Variants in TPX2 observed in about 807,000 individuals in gnomAD.
The protein encoded by TPX2 is targeting protein for Xklp2.
In TPX2, 21 loss-of-function variants were observed where a neutral mutation model predicts 93.6. The observed-to-expected ratio is 0.22, with a 90% CI of 0.16 to 0.32. The LOEUF is 0.32. Among genes scored for constraint, TPX2 ranks in the 10% least tolerant of loss-of-function variants. The probability of loss-of-function intolerance (pLI) is 1.00; values close to 1 mark genes in which losing one functional copy is unlikely to be tolerated. For missense variants in TPX2, 776 were observed against 871.1 expected, an observed-to-expected ratio of 0.89 and a Z score of 1.37; for synonymous variants, 281 against 298.3, an observed-to-expected ratio of 0.94 and a Z score of 0.60.
intron 7 of TPX2, among the ~76,000 whole-genome samples, chr20:31,772,405 C>A (rs1446943237): frequency 6.6e-6 from 1 of 152,090 alleles, no homozygotes; most frequent in Admixed American, 6.6e-5. Context: ...TCAAGCAGTC[C>A]TCTTGCCTTG....
chr20:31,799,365 A>C (rs1287088475), intron 17 of TPX2, among the ~76,000 whole-genome samples: 1 of 152,236 alleles, frequency 6.6e-6, no homozygotes, highest in Non-Finnish European at 1.5e-5. Flanking sequence ...ATTTCAAGAG[A>C]TCTATCATAT....
intron 4 of TPX2, among the ~76,000 whole-genome samples, chr20:31,763,748 G>T (rs2061906118): frequency 7.1e-6 from 1 of 140,154 alleles, no homozygotes; most frequent in Admixed American, 7.4e-5. Flanking sequence ...GGCTGGACGT[G>T]ATACCTCATG....
At chr20:31,760,514 A>C (rs977024031) in intron 4 of TPX2, among the ~76,000 whole-genome samples, 1 of 152,042 alleles carries the variant, frequency 6.6e-6, no homozygotes, top group Non-Finnish European at 1.5e-5. Context: ...GGTGCTCAAC[A>C]CCATGCCTGA....
At chr20:31,794,912 C>T (rs563675803) in intron 15 of TPX2, among the ~76,000 whole-genome samples, 2 of 151,928 alleles carry the variant, frequency 1.3e-5, no homozygotes, top group South Asian at 2.1e-4. Flanking sequence ...GCTCCGCCTC[C>T]TGGGTTCACG....
chr20:31,744,613 G>A lies in TPX2; in HGVS notation c.-71+1966G>A, dbSNP rs1345656436. The stretch of plus-strand genomic sequence containing the variant: ...AGTGGCGTGATCACAGCTCACTGCA[G>A]CCTCCATCTCCTGGGCTCAAGTGAT... On this transcript the variant is annotated intron_variant, in intron 2 of 17. Transcript: ENST00000300403. Among the ~76,000 whole-genome samples, 9 of 152,040 alleles carry A rather than the reference G, an allele frequency of 5.9e-5. No individual in the cohort carries two copies. In the East Asian group the frequency reaches 1.7e-3, roughly 29 times the overall value.
intron 2 of TPX2, among the ~76,000 whole-genome samples, chr20:31,753,537 G>A (rs1218271043): frequency 6.6e-6 from 1 of 152,140 alleles, no homozygotes; most frequent in African/African-American, 2.4e-5. Flanking sequence ...CTTATAGACT[G>A]CAAAGGTTAG....
At chr20:31,757,209 ACTT>A (rs2061857666) in intron 2 of TPX2, among the ~76,000 whole-genome samples, 195 bp from the exon 3 acceptor site, 1 of 152,066 alleles carries the variant, frequency 6.6e-6, no homozygotes, top group African/African-American at 2.4e-5. Context: ...TGTCTGGCCC[ACTT>A]CTTTCTAATT....
At chr20:31,786,016 A>G (rs1035180695) in intron 12 of TPX2, among the ~76,000 whole-genome samples, 1 of 152,230 alleles carries the variant, frequency 6.6e-6, no homozygotes, top group African/African-American at 2.4e-5. Flanking sequence ...TTTGCCACAA[A>G]TAACACAGCA....
At chr20:31,741,578 A>C (rs1454798648) in intron 1 of TPX2, among the ~76,000 whole-genome samples, 1 of 151,950 alleles carries the variant, frequency 6.6e-6, no homozygotes, top group African/African-American at 2.4e-5. Context: ...TCCTGGGTTC[A>C]AGCAATTCTC....
intron 2 of TPX2, among the ~76,000 whole-genome samples, chr20:31,744,159 CTTTTTTTTTT>C (rs11465034): frequency 3.6e-5 from 4 of 112,270 alleles, no homozygotes; most frequent in Admixed American, 1.9e-4. Flanking sequence ...ATTTTTTTAA[CTTTTTTTTTT>C]TTTTTTTTTT....
At chr20:31,777,363 A>T in intron 8 of TPX2, 124 bp from the exon 9 acceptor site, 1 of 1,175,640 alleles carries the variant, frequency 8.5e-7, no homozygotes, top group Non-Finnish European at 1.2e-6. Context: ...TTTGGGTTAC[A>T]GGTAGATAGT....
chr20:31,774,497 G>A (rs2061983885), intron 7 of TPX2, among the ~76,000 whole-genome samples: 1 of 152,004 alleles, frequency 6.6e-6, no homozygotes, highest in South Asian at 2.1e-4. Flanking sequence ...GATACTCTGT[G>A]TTGAACATTA....
At chr20:31,751,174 GA>G (rs1302932227) in intron 2 of TPX2, among the ~76,000 whole-genome samples, 1 of 151,898 alleles carries the variant, frequency 6.6e-6, no homozygotes, top group African/African-American at 2.4e-5. Flanking sequence ...GAAAAAGAAA[GA>G]AAAAAAGGAT....
At chr20:31,748,430 A>G (rs906362821) in intron 2 of TPX2, among the ~76,000 whole-genome samples, 8 of 152,170 alleles carry the variant, frequency 5.3e-5, no homozygotes, top group African/African-American at 1.9e-4. Flanking sequence ...AAAAAAGAGG[A>G]ATCAATGGAT....
At position 31,771,600 on chromosome 20, in the gene TPX2, C is replaced by T. The variant is rs770322956; in HGVS notation, c.526C>T (p.His176Tyr). ...KKKPEEEGSAHQDTAEKNASS... is the reference protein window; with the variant it reads ...KKKPEEEGSAYQDTAEKNASS... ...GAAGCCAGAGGAAGAAGGCAGTGCT[C>T]ATCAAGATACTGCTGAAAAGAATGC... Residue 176 changes from histidine (H) to tyrosine (Y), a missense_variant, in exon 7 of 18, where the codon CAT (histidine) becomes TAT (tyrosine). Around this residue, in one of 3 missense-constraint regions of TPX2, gnomAD observed 279 missense variants for 261.6 expected, o/e 1.07. Transcript: ENST00000300403. 1.1e-5 allele frequency: 18 copies of T among 1,613,882 alleles called. No homozygotes were observed. Among genetic ancestry groups the T allele is most frequent in the Non-Finnish European group, 1.4e-5 (17 of 1,179,926 alleles).
At chr20:31,741,775 G>A (rs1020666682) in intron 1 of TPX2, among the ~76,000 whole-genome samples, 14 of 152,162 alleles carry the variant, frequency 9.2e-5, no homozygotes, top group South Asian at 2.1e-4. Flanking sequence ...CACTGTGCCT[G>A]GCCTAATTTT....
intron 2 of TPX2, among the ~76,000 whole-genome samples, chr20:31,752,359 C>T (rs997003876): frequency 3.9e-5 from 6 of 152,200 alleles, no homozygotes; most frequent in African/African-American, 1.2e-4. Context: ...TTGGCCAGAA[C>T]TGTCCCATGG....
At position 31,755,942 on chromosome 20, in the gene TPX2, G is replaced by A. The variant is rs772145241; in HGVS notation, c.-70-1465G>A. Reference sequence around the variant, plus strand: ...CAAGATAGAGTGCAAAACTTCGTACGCAGGAGTAGGGAGGGGCCTATTTAA... The same window carrying A: ...CAAGATAGAGTGCAAAACTTCGTACACAGGAGTAGGGAGGGGCCTATTTAA... On this transcript the variant is annotated intron_variant, in intron 2 of 17. Transcript: ENST00000300403. Among the ~76,000 whole-genome samples, 6 of 152,134 alleles carry A rather than the reference G, an allele frequency of 3.9e-5. No individual in the cohort carries two copies. In the East Asian group the frequency reaches 7.7e-4, roughly 20 times the overall value.
chr20:31,788,053 C>T (rs576569348), intron 12 of TPX2, among the ~76,000 whole-genome samples: 16 of 152,182 alleles, frequency 1.1e-4, no homozygotes, highest in Non-Finnish European at 2.4e-4. Context: ...TTTTGGGGGT[C>T]CCAAGATTTA....
Sources: allele counts gnomAD v4.1 joint callset (sites outside exome capture counted in the v4.1 genomes callset), GRCh38; gene constraint gnomAD v4.1.1; regional missense constraint gnomAD v4.1.1; transcripts MANE v1.5; gene names NCBI Gene and HGNC (gene_info 2026-07-23, HGNC 2026-07-21).